Variants in POLD3 observed in about 807,000 individuals in gnomAD.
POLD3 encodes the protein DNA polymerase delta subunit 3.
POLD3 carries 19 observed loss-of-function variants against 58.2 expected under a neutral mutation model. That is an observed-to-expected ratio of 0.33 (90% confidence interval 0.23 to 0.48). POLD3 has a LOEUF of 0.48. POLD3 is among the 20% of genes least tolerant of loss of function. POLD3 has a pLI of 0.99. For synonymous variants in POLD3, 172 were observed against 193.5 expected, an observed-to-expected ratio of 0.89 and a Z score of 0.92; for missense variants, 504 against 545.5, an observed-to-expected ratio of 0.92 and a Z score of 0.76.
downstream of POLD3, among the ~76,000 whole-genome samples, chr11:74,646,257 G>C (rs2032998112): frequency 2.0e-5 from 3 of 152,188 alleles, no homozygotes; most frequent in South Asian, 6.2e-4. Context: ...ACAGGTGTGA[G>C]CCACCGCGCC....
At chr11:74,649,557 C>T (rs1462522962) in intron 4 of POLD3, among the ~76,000 whole-genome samples, 3 of 152,192 alleles carry the variant, frequency 2.0e-5, no homozygotes, top group African/African-American at 7.2e-5. Flanking sequence ...GTAAGTTTTG[C>T]TGTGAACTCC....
In POLD3 at chr11:74,625,459, T is replaced by A. The variant is rs1171456575; in HGVS notation, c.785T>A (p.Ile262Lys). ...GAACAAGCAGTGAAAGAAGAAAAAA[T>A]AGTGGAGCAGCCTACAGTGTCTGTC... ...DSEQAVKEEK[I>K]VEQPTVSVTE... Residue 262 changes from isoleucine to lysine, a missense_variant, in exon 8 of 12, where the codon ATA becomes AAA. Transcript: ENST00000263681. 1 of 1,612,768 alleles carries A rather than the reference T, an allele frequency of 6.2e-7. No homozygotes were observed. Among genetic ancestry groups the A allele is most frequent in the Admixed American group, 1.7e-5 (1 of 59,886 alleles).
chr11:74,621,544 T>TA (rs1296429031), intron 7 of POLD3, among the ~76,000 whole-genome samples: 9 of 146,446 alleles, frequency 6.1e-5, no homozygotes, highest in Admixed American at 2.1e-4. Context: ...TGGTTTTTTT[T>TA]AAAAAAATCA....
intron 4 of POLD3, among the ~76,000 whole-genome samples, chr11:74,665,442 G>A (rs1302752602): frequency 7.8e-6 from 1 of 128,950 alleles, no homozygotes; most frequent in East Asian, 2.2e-4. Context: ...TGTCACCCAG[G>A]CTGGATGGAG....
intron 4 of POLD3, among the ~76,000 whole-genome samples, chr11:74,659,507 G>T (rs2033179525): frequency 6.6e-6 from 1 of 152,132 alleles, no homozygotes; most frequent in African/African-American, 2.4e-5. Context: ...ACATTGTCAG[G>T]CTGCAAATTT....
At chr11:74,623,303 T>C (rs11236176) in intron 7 of POLD3, among the ~76,000 whole-genome samples, 59,823 of 151,488 alleles carry the variant, frequency 0.39, 12,770 homozygotes, top group African/African-American at 0.56. Context: ...GGCCTGTTGG[T>C]GGGCGCCTGT....
intron 3 of POLD3, 125 bp from the exon 4 acceptor site, chr11:74,611,372 CAT>C (rs41560822): frequency 0.024 from 14,935 of 615,216 alleles, 265 homozygotes; most frequent in Non-Finnish European, 0.035. Context: ...TAAATTATAA[CAT>C]ATGTTTTAAG....
Position 74,617,881 on chromosome 11 carries a change from A to G in POLD3, c.393-656A>G, listed in dbSNP as rs530222086. On this transcript the variant is annotated intron_variant, in intron 5 of 11. Transcript: ENST00000263681. Reference sequence around the variant, plus strand: ...CTATAGGCATGCGCCACTACACCCAACTAATTTTTGTATTTTTTGTAGAGA... The same window carrying G: ...CTATAGGCATGCGCCACTACACCCAGCTAATTTTTGTATTTTTTGTAGAGA... Among the ~76,000 whole-genome samples the G allele has an allele frequency of 1.2e-3, 178 of 151,430 alleles. 1 individual carries two copies. The highest frequency in any genetic ancestry group is 0.012 in the Admixed American group (177 of 15,208).
chr11:74,628,268 G>A lies in POLD3; in HGVS notation c.900-949G>A, dbSNP rs557545060. On this transcript the variant is annotated intron_variant, in intron 8 of 11. Coordinates refer to ENST00000263681, the MANE Select transcript of POLD3 (RefSeq NM_006591.3). ...TGTTTTCAAAATGGGTTTTATAAAA[G>A]GCTTATTAATAAAATTAATCTCCCA... Among the ~76,000 whole-genome samples, 6 of 152,134 alleles carry A rather than the reference G, an allele frequency of 3.9e-5. No homozygotes were observed. In the East Asian group the frequency reaches 9.6e-4, roughly 24 times the overall value.
chr11:74,626,157 G>A (rs1448190001), intron 8 of POLD3, among the ~76,000 whole-genome samples: 11 of 152,104 alleles, frequency 7.2e-5, no homozygotes, highest in Admixed American at 7.2e-4. Flanking sequence ...CTAGAAAGAC[G>A]ACTTTTGTGG....
rs1194355559 is a variant in POLD3, at chr11:74,629,256, A to T, written c.939A>T (p.Glu313Asp). ...RVALSDDETKETENMRKKRRR... is the reference protein window; with the variant it reads ...RVALSDDETKDTENMRKKRRR... ...CATTATCTGATGATGAGACAAAGGAAACTGAAAACATGAGGAAAAAGAGGA... is the reference window on the plus strand; with the variant it reads ...CATTATCTGATGATGAGACAAAGGATACTGAAAACATGAGGAAAAAGAGGA... Residue 313 changes from glutamate to aspartate, a missense_variant, in exon 9 of 12, where the codon GAA (glutamate) becomes GAT (aspartate). Glu to Asp is a conservative substitution (Grantham distance 45). Transcript: ENST00000263681. The T allele has an allele frequency of 2.7e-5, 43 of 1,608,624 alleles. No individual in the cohort carries two copies. In the Admixed American group the frequency reaches 6.6e-4, roughly 25 times the overall value.
At chr11:74,650,808 C>CA (rs1285692386) in intron 4 of POLD3, among the ~76,000 whole-genome samples, 1 of 152,198 alleles carries the variant, frequency 6.6e-6, no homozygotes, top group African/African-American at 2.4e-5. Flanking sequence ...TGGCTAGTGC[C>CA]ATGACACCTG....
At chr11:74,658,826 C>T (rs1399761379) in intron 4 of POLD3, among the ~76,000 whole-genome samples, 1 of 152,140 alleles carries the variant, frequency 6.6e-6, no homozygotes, top group African/African-American at 2.4e-5. Flanking sequence ...GGTACAGCCT[C>T]TCTCCTGGCT....
At chr11:74,598,156 C>T (rs913453036) in intron 2 of POLD3, among the ~76,000 whole-genome samples, 1 of 152,094 alleles carries the variant, frequency 6.6e-6, no homozygotes, top group Admixed American at 6.6e-5. Context: ...TATACTAAAG[C>T]TTTCAGATTA....
At chr11:74,644,327 G>A (rs964382954), downstream of POLD3, among the ~76,000 whole-genome samples, 3 of 152,258 alleles carry the variant, frequency 2.0e-5, no homozygotes, top group Admixed American at 2.0e-4. Context: ...CAGGATCTCA[G>A]TATGCTGTAA....
chr11:74,619,366 C>CTATTAT (rs144224600), intron 6 of POLD3, among the ~76,000 whole-genome samples: 4 of 151,962 alleles, frequency 2.6e-5, no homozygotes, highest in Non-Finnish European at 5.9e-5. Context: ...ATTGTTGTTA[C>CTATTAT]TATTATTATT....
At chr11:74,637,806 CT>C (rs11354555) in intron 11 of POLD3, among the ~76,000 whole-genome samples, 83,167 of 143,726 alleles carry the variant, frequency 0.58, 23,974 homozygotes, top group African/African-American at 0.61. Context: ...TCACATTGCA[CT>C]TTTTTTTTTT....
At chr11:74,660,401 A>G (rs541029658) in intron 4 of POLD3, among the ~76,000 whole-genome samples, 2 of 152,158 alleles carry the variant, frequency 1.3e-5, no homozygotes, top group South Asian at 4.2e-4. Context: ...CTATTATACT[A>G]TCTCTTTCTC....
intron 11 of POLD3, chr11:74,638,687 T>G (rs975046540): frequency 6.6e-6 from 3 of 455,840 alleles, no homozygotes; most frequent in South Asian, 1.6e-5. Flanking sequence ...AGGTATGCCA[T>G]GGGAATTCTC....
Sources: allele counts gnomAD v4.1 joint callset (sites outside exome capture counted in the v4.1 genomes callset), GRCh38; gene constraint gnomAD v4.1.1; transcripts MANE v1.5; gene names NCBI Gene and HGNC (gene_info 2026-07-23, HGNC 2026-07-21).